Variants in MAML1 observed in about 807,000 individuals in gnomAD.
MAML1 encodes the protein mastermind like transcriptional coactivator 1.
A neutral mutation model predicts 77.1 loss-of-function variants in MAML1; 14 were observed. That is an observed-to-expected ratio of 0.18 (90% confidence interval 0.12 to 0.28). MAML1 has a LOEUF of 0.28. MAML1 is among the 10% of genes least tolerant of loss of function. MAML1 has a pLI of 1.00. For synonymous variants in MAML1, 516 were observed against 551.9 expected, an observed-to-expected ratio of 0.93 and a Z score of 0.91; for missense variants, 1,217 against 1,327.8, an observed-to-expected ratio of 0.92 and a Z score of 1.30.
At chr5:179,757,092 T>C (rs1779635892) in intron 1 of MAML1, among the ~76,000 whole-genome samples, 1 of 152,030 alleles carries the variant, frequency 6.6e-6, no homozygotes, top group Non-Finnish European at 1.5e-5. Flanking sequence ...AGTGCTGGGA[T>C]TACAGGCTGA....
chr5:179,769,548 A>G lies in MAML1; in HGVS notation c.1971+459A>G, dbSNP rs183285337. Among the ~76,000 whole-genome samples, 28 of 151,722 alleles carry G rather than the reference A, an allele frequency of 1.8e-4. No individual in the cohort carries two copies. Among genetic ancestry groups the G allele is most frequent in the Admixed American group, 7.9e-4 (12 of 15,240 alleles). Reference sequence around the variant, plus strand: ...GTAGTGTGCAGGCACTAAGGGTTACAAGTGAGAGTTCTTTTTTTTTTTTGG... The same window carrying G: ...GTAGTGTGCAGGCACTAAGGGTTACGAGTGAGAGTTCTTTTTTTTTTTTGG... On this transcript the variant is annotated intron_variant, in intron 3 of 4. Coordinates refer to ENST00000292599, the MANE Select transcript of MAML1 (RefSeq NM_014757.5). This position sits in a 1 kb window ranked among gnomAD's most constrained non-coding sequence, Gnocchi z 4.2.
At chr5:179,764,383 G>A (rs139632931) in intron 1 of MAML1, among the ~76,000 whole-genome samples, 2 of 152,230 alleles carry the variant, frequency 1.3e-5, no homozygotes, top group African/African-American at 4.8e-5. Flanking sequence ...GGGGCCGGCC[G>A]GGCGCAGTGG....
intron 4 of MAML1, 97 bp from the exon 5 acceptor site, chr5:179,773,798 G>T: frequency 6.6e-7 from 1 of 1,514,256 alleles, no homozygotes. Flanking sequence ...TCTTCCCAGT[G>T]TGCCGTGAAC....
intron 1 of MAML1, among the ~76,000 whole-genome samples, chr5:179,750,183 A>G (rs1273490442): frequency 1.3e-5 from 2 of 152,264 alleles, no homozygotes; most frequent in Non-Finnish European, 2.9e-5. Context: ...ATAGTGAAAT[A>G]GTAAATAAAA....
chr5:179,776,154 A>G lies in MAML1; in HGVS notation c.*1277A>G. ...GAGAGCACTTCCCCGTAACGAAAGC[A>G]AAGTGGTAAGCACAGGGTGAGACCC... On this transcript the variant is annotated 3_prime_UTR_variant, in exon 5 of 5. Coordinates refer to ENST00000292599, the MANE Select transcript of MAML1 (RefSeq NM_014757.5). The G allele has an allele frequency of 1.0e-6, 1 of 985,944 alleles. No homozygotes were observed. The highest frequency in any genetic ancestry group is 1.2e-6 in the Non-Finnish European group (1 of 829,946). The allele number at this position is 985,944 out of a possible 1,614,324, so 61.1% of individuals were successfully genotyped here.
chr5:179,754,924 AG>A (rs1779581596), intron 1 of MAML1, among the ~76,000 whole-genome samples: 1 of 152,232 alleles, frequency 6.6e-6, no homozygotes, highest in African/African-American at 2.4e-5. Context: ...AGAGGGAATA[AG>A]AAGGTGCAGC....
Position 179,732,907 on chromosome 5 carries a change from C to T in MAML1, c.-206C>T. On this transcript the variant is annotated 5_prime_UTR_variant, in exon 1 of 5. Transcript: ENST00000292599. The stretch of plus-strand genomic sequence containing the variant: ...CCGGGGCGGTGGGGAGAGGCCGAGG[C>T]TTGAGGTAGGCAGCAAGCGCCGGCT... 1 of 282,768 alleles carries T rather than the reference C, an allele frequency of 3.5e-6. No individual in the cohort carries two copies. Among genetic ancestry groups the T allele is most frequent in the Non-Finnish European group, 6.5e-6 (1 of 153,236 alleles). 17.5% of individuals were successfully genotyped at this position (282,768 alleles called of 1,614,324 possible).
chr5:179,765,127 C>T (rs1461291296), intron 1 of MAML1, among the ~76,000 whole-genome samples, 199 bp from the exon 2 acceptor site: 2 of 151,952 alleles, frequency 1.3e-5, no homozygotes, highest in African/African-American at 4.8e-5. Context: ...TGCAGAAGCA[C>T]TTTAGCTAGA....
chr5:179,759,795 C>G (rs562975145), intron 1 of MAML1, among the ~76,000 whole-genome samples: 32 of 152,332 alleles, frequency 2.1e-4, no homozygotes, highest in African/African-American at 7.7e-4. Flanking sequence ...GTCCCTCTGA[C>G]TCTGATGAGG....
rs535704383 is a variant in MAML1 at position 179,743,524 on chromosome 5, G to A, written c.315+10097G>A. ...TGGGACTACAGGCGCCCACCACCAC[G>A]CCCGGCTAATTTTTTTTTTGTATTT... is the stretch of plus-strand genomic sequence containing the variant. On this transcript the variant is annotated intron_variant, in intron 1 of 4. Coordinates refer to ENST00000292599, the MANE Select transcript of MAML1 (RefSeq NM_014757.5). 1.1e-3 allele frequency among the ~76,000 whole-genome samples: 161 copies of A among 151,042 alleles called. 1 individual carries two copies. Among genetic ancestry groups the A allele is most frequent in the African/African-American group, 3.7e-3 (152 of 41,164 alleles).
chr5:179,776,484 T>A lies in MAML1; in HGVS notation c.*1607T>A. The stretch of plus-strand genomic sequence containing the variant: ...GCCATTTGCCACCCCAAGTGGTATG[T>A]CGGCCATTTCTCCTTAAAACACCTT... On this transcript the variant is annotated 3_prime_UTR_variant, in exon 5 of 5. Transcript: ENST00000292599. 1.0e-6 allele frequency: 1 copy of A among 985,834 alleles called. No homozygotes were observed. The highest frequency in any genetic ancestry group is 1.2e-6 in the Non-Finnish European group (1 of 829,954). 61.1% of individuals were successfully genotyped at this position (985,834 alleles called of 1,614,324 possible). A position where few individuals can be genotyped will look rare whatever the true frequency, so the allele number is the denominator to read the frequency against.
At chr5:179,751,992 A>T (rs368971329) in intron 1 of MAML1, among the ~76,000 whole-genome samples, 1 of 150,622 alleles carries the variant, frequency 6.6e-6, no homozygotes, top group African/African-American at 2.4e-5. Context: ...CAATAGAGTG[A>T]GACCTTGTCT....
Position 179,733,347 on chromosome 5 carries a change from G to A in MAML1, c.235G>A (p.Ala79Thr), listed in dbSNP as rs947886036. Residue 79 changes from alanine (A) to threonine (T), a missense_variant, in exon 1 of 5, where the codon GCC (alanine) becomes ACC (threonine). Around this residue, in one of 3 missense-constraint regions of MAML1, gnomAD observed 312 missense variants for 331.4 expected, o/e 0.94. Transcript: ENST00000292599. ...KRAGKHRQPP[A>T]ATAPAPAAPA... The stretch of plus-strand genomic sequence containing the variant: ...CGCCGGGAAGCACAGGCAGCCGCCC[G>A]CCGCCACGGCCCCGGCGCCCGCCGC... 2.3e-6 allele frequency: 3 copies of A among 1,300,498 alleles called. No individual in the cohort carries two copies. The highest frequency in any genetic ancestry group is 2.0e-5 in the South Asian group (1 of 50,940). 80.6% of individuals were successfully genotyped at this position (1,300,498 alleles called of 1,614,324 possible). A position where few individuals can be genotyped will look rare whatever the true frequency, so the allele number is the denominator to read the frequency against.
In MAML1 at chr5:179,733,187, G is replaced by A; in HGVS notation, c.75G>A (p.Arg25=). The change falls in exon 1 of 5, where the codon CGG becomes CGA. Residue 25 remains arginine, a synonymous_variant. Coordinates refer to ENST00000292599, the MANE Select transcript of MAML1 (RefSeq NM_014757.5). ...RHSAVMERLR[R]RIELCRRHHS... is the part of the protein sequence containing the mutation. The stretch of plus-strand genomic sequence containing the variant: ...GCGCGGTCATGGAGCGCCTTCGCCG[G>A]CGCATCGAGCTGTGCCGGCGCCACC... The A allele has an allele frequency of 6.8e-7, 1 of 1,473,210 alleles. No homozygotes were observed. The allele number at this position is 1,473,210 out of a possible 1,614,324, so 91.3% of individuals were successfully genotyped here. A position where few individuals can be genotyped will look rare whatever the true frequency, so the allele number is the denominator to read the frequency against.
intron 1 of MAML1, among the ~76,000 whole-genome samples, chr5:179,733,919 G>A (rs1779117251): frequency 6.6e-6 from 1 of 152,222 alleles, no homozygotes; most frequent in Non-Finnish European, 1.5e-5. Flanking sequence ...CCTCTGAATG[G>A]AAAATCAAGA....
intron 1 of MAML1, among the ~76,000 whole-genome samples, chr5:179,752,535 A>G (rs116132229): frequency 0.014 from 1,881 of 138,374 alleles, 46 homozygotes; most frequent in African/African-American, 0.047. Flanking sequence ...GCATATTTCT[A>G]TTAGTGCTGT....
intron 2 of MAML1, among the ~76,000 whole-genome samples, chr5:179,767,852 A>G (rs1779851380): frequency 6.6e-6 from 1 of 152,262 alleles, no homozygotes; most frequent in African/African-American, 2.4e-5. Context: ...GGTTTAAATA[A>G]TGATTGCTTT....
In MAML1 at chr5:179,771,951, C is replaced by T. The variant is rs1171641282; in HGVS notation, c.2068+708C>T. Reference sequence around the variant, plus strand: ...TGTGTGTCCTGGAGGAGACCAGGTACGGTTTTATGTATGTGCTACCTGGGG... The same window carrying T: ...TGTGTGTCCTGGAGGAGACCAGGTATGGTTTTATGTATGTGCTACCTGGGG... On this transcript the variant is annotated intron_variant, in intron 4 of 4. Transcript: ENST00000292599. This position sits in a 1 kb window ranked among gnomAD's most constrained non-coding sequence, Gnocchi z 4.7. Among the ~76,000 whole-genome samples, 3 of 152,154 alleles carry T rather than the reference C, an allele frequency of 2.0e-5. No individual in the cohort carries two copies. The highest frequency in any genetic ancestry group is 2.1e-4 in the South Asian group (1 of 4,828).
rs373506544 is a variant in MAML1, at chr5:179,766,077, C to G, written c.1067C>G (p.Ala356Gly). 2 of 1,585,912 alleles carry G rather than the reference C, an allele frequency of 1.3e-6. No individual in the cohort carries two copies. The highest frequency in any genetic ancestry group is 1.2e-5 in the South Asian group (1 of 86,548). ...TLFHTSGQPRADNPSPNLMPA... is the reference protein window; with the variant it reads ...TLFHTSGQPRGDNPSPNLMPA... ...TTCCACACCTCTGGTCAGCCCCGGG[C>G]GGACAATCCCAGTCCAAACCTGATG... is the stretch of plus-strand genomic sequence containing the variant. The change falls in exon 2 of 5, where the codon GCG (alanine) becomes GGG (glycine). Residue 356 changes from alanine (A) to glycine (G), a missense_variant. Ala to Gly is a moderately conservative substitution (Grantham distance 60). Transcript: ENST00000292599. This position sits in a 1 kb window ranked among gnomAD's most constrained non-coding sequence, Gnocchi z 4.0.
Sources: allele counts gnomAD v4.1 joint callset (sites outside exome capture counted in the v4.1 genomes callset), GRCh38; gene constraint gnomAD v4.1.1; regional missense constraint gnomAD v4.1.1; non-coding constraint Gnocchi (gnomAD v3.1); transcripts MANE v1.5; gene names NCBI Gene and HGNC (gene_info 2026-07-23, HGNC 2026-07-21).